The following SLCO2A1 variants were observed in gnomAD, a reference collection of about 807,000 sequenced individuals.
SLCO2A1 encodes solute carrier organic anion transporter family member 2A1.
Under a neutral mutation model 71.7 loss-of-function variants are expected in SLCO2A1, and 60 were observed. The observed-to-expected ratio is 0.84, with a 90% CI of 0.68 to 1.04. The LOEUF (loss-of-function observed/expected upper bound fraction) is 1.04. Ranked by LOEUF, SLCO2A1 falls within the 50% of genes least tolerant of loss-of-function variation. The probability of loss-of-function intolerance (pLI) is 0.00; values close to 1 mark genes in which losing one functional copy is unlikely to be tolerated. For missense variants in SLCO2A1, 745 were observed against 813.4 expected (o/e 0.92, Z 1.02); for synonymous variants, 308 against 326.7 (o/e 0.94, Z 0.62).
intron 2 of SLCO2A1, among the ~76,000 whole-genome samples, chr3:133,974,684 T>C (rs1236493529): frequency 6.6e-6 from 1 of 152,194 alleles, no homozygotes; most frequent in Non-Finnish European, 1.5e-5. Flanking sequence ...GGAAGGGAAC[T>C]GAAGGCTCCA....
chr3:133,970,652 C>T (rs1255725503), intron 3 of SLCO2A1, among the ~76,000 whole-genome samples: 1 of 152,258 alleles, frequency 6.6e-6, no homozygotes, highest in East Asian at 1.9e-4. Flanking sequence ...CATCCCACCC[C>T]CTGGCACCAG....
At chr3:133,964,885 C>T (rs1022840749) in intron 3 of SLCO2A1, among the ~76,000 whole-genome samples, 2 of 152,240 alleles carry the variant, frequency 1.3e-5, no homozygotes, top group East Asian at 3.8e-4. Context: ...CACACCCCCA[C>T]ACCCTGGCCC....
intron 1 of SLCO2A1, among the ~76,000 whole-genome samples, chr3:133,995,224 A>G (rs1328913950): frequency 6.6e-6 from 1 of 152,126 alleles, no homozygotes; most frequent in Non-Finnish European, 1.5e-5. Context: ...TGTACTTTAT[A>G]TAAATAGAAT....
At chr3:133,973,979 T>G (rs1212832952) in intron 2 of SLCO2A1, among the ~76,000 whole-genome samples, 154 bp from the exon 3 acceptor site, 1 of 152,174 alleles carries the variant, frequency 6.6e-6, no homozygotes, top group Non-Finnish European at 1.5e-5. Context: ...TGTCAGCTTT[T>G]CCCAGAGAGC....
Position 133,935,117 on chromosome 3 carries a change from C to T in SLCO2A1, c.1815-287G>A, listed in dbSNP as rs78264457. ...CCCAGCTGCCCCAGCCACCCCCAGACGGTCCTGACCTCCAAGCAGAGCCAG... is the reference window on the plus strand; with the variant it reads ...CCCAGCTGCCCCAGCCACCCCCAGATGGTCCTGACCTCCAAGCAGAGCCAG... On this transcript the variant is annotated intron_variant, in intron 13 of 13. Transcript: ENST00000310926. Among the ~76,000 whole-genome samples, 11 of 152,166 alleles carry T rather than the reference C, an allele frequency of 7.2e-5. No homozygotes were observed. The South Asian group carries it at 8.3e-4, about 11-fold the overall frequency.
intron 11 of SLCO2A1, among the ~76,000 whole-genome samples, chr3:133,938,721 A>G (rs1256875497): frequency 1.3e-5 from 2 of 151,968 alleles, no homozygotes; most frequent in Non-Finnish European, 2.9e-5. Context: ...AGATATGCAG[A>G]TTTTCAGGCC....
intron 1 of SLCO2A1, among the ~76,000 whole-genome samples, chr3:133,985,617 G>A (rs529583401): frequency 5.3e-5 from 8 of 152,026 alleles, no homozygotes; most frequent in East Asian, 1.9e-4. Context: ...TACATCATGC[G>A]TTTGATTTCT....
At chr3:133,938,363 C>A in intron 12 of SLCO2A1, 66 bp downstream of exon 12, 1 of 1,373,648 alleles carries the variant, frequency 7.3e-7, no homozygotes, top group Non-Finnish European at 1.0e-6. Flanking sequence ...CTACCCTGCA[C>A]CCATAGCCTT....
chr3:134,006,879 A>G (rs188695526), intron 1 of SLCO2A1, among the ~76,000 whole-genome samples: 1 of 152,318 alleles, frequency 6.6e-6, no homozygotes. Flanking sequence ...TCTACTTTTA[A>G]TTTGTTCAGG....
At position 133,990,357 on chromosome 3, in the gene SLCO2A1, A is replaced by G. The variant is rs144572200; in HGVS notation, c.97-10739T>C. On this transcript the variant is annotated intron_variant, in intron 1 of 13. Coordinates refer to ENST00000310926, the MANE Select transcript of SLCO2A1 (RefSeq NM_005630.3). ...AAAGTGTCAGAGAGGAGGGGAGACA[A>G]ATGTGTTCAGTCAGCAATCTTGAAT... Among the ~76,000 whole-genome samples the G allele has an allele frequency of 5.9e-3, 901 of 152,330 alleles. 18 individuals are homozygous for G. The highest frequency in any genetic ancestry group is 0.046 in the Admixed American group (699 of 15,304).
chr3:134,013,770 T>G (rs143797812), intron 1 of SLCO2A1, among the ~76,000 whole-genome samples: 270 of 152,328 alleles, frequency 1.8e-3, no homozygotes, highest in Non-Finnish European at 8.2e-4. Flanking sequence ...AAATATGACA[T>G]ATTATTTGGA....
rs564063395 is a variant in SLCO2A1, at chr3:133,999,746, G to A, written c.97-20128C>T. Among the ~76,000 whole-genome samples the A allele has an allele frequency of 7.9e-5, 12 of 152,302 alleles. No individual in the cohort carries two copies. The South Asian group carries it at 2.3e-3, about 29-fold the overall frequency. On this transcript the variant is annotated intron_variant, in intron 1 of 13. Coordinates refer to ENST00000310926, the MANE Select transcript of SLCO2A1 (RefSeq NM_005630.3). The stretch of plus-strand genomic sequence containing the variant: ...CCCTAGTCCTAGGAGACAAGATGAG[G>A]AGAGGAAAAATGTAAGGGTGATTAG...
chr3:133,941,588 G>A (rs548138462), intron 11 of SLCO2A1, among the ~76,000 whole-genome samples: 111 of 151,782 alleles, frequency 7.3e-4, no homozygotes, highest in African/African-American at 2.3e-3. Context: ...TACAAATGTT[G>A]TTTTCTCCTT....
intron 1 of SLCO2A1, among the ~76,000 whole-genome samples, chr3:134,023,941 C>A (rs1349484791): frequency 6.6e-6 from 1 of 152,204 alleles, no homozygotes; most frequent in Admixed American, 6.5e-5. Context: ...AAGTCTGGCA[C>A]CCTGCGGGTC....
intron 1 of SLCO2A1, among the ~76,000 whole-genome samples, chr3:134,018,712 C>T (rs973012416): frequency 4.6e-5 from 7 of 152,130 alleles, no homozygotes; most frequent in Non-Finnish European, 7.4e-5. Context: ...TAAGGAGAAA[C>T]AGAACTTCCT....
chr3:133,988,067 G>A (rs931495909), intron 1 of SLCO2A1, among the ~76,000 whole-genome samples: 1 of 152,188 alleles, frequency 6.6e-6, no homozygotes, highest in Non-Finnish European at 1.5e-5. Flanking sequence ...ACTGCCCCAA[G>A]CATCTGAATG....
chr3:134,003,775 G>A (rs1217697939), intron 1 of SLCO2A1, among the ~76,000 whole-genome samples: 1 of 152,128 alleles, frequency 6.6e-6, no homozygotes, highest in African/African-American at 2.4e-5. Context: ...TACCAATCTG[G>A]GTGTTGCTGT....
At chr3:133,975,758 G>C (rs896469839) in intron 2 of SLCO2A1, among the ~76,000 whole-genome samples, 2 of 151,978 alleles carry the variant, frequency 1.3e-5, no homozygotes, top group Admixed American at 6.6e-5. Flanking sequence ...CTGACTTTAC[G>C]TCCTCAGGAC....
At chr3:134,013,945 A>G (rs1016306343) in intron 1 of SLCO2A1, among the ~76,000 whole-genome samples, 1 of 152,044 alleles carries the variant, frequency 6.6e-6, no homozygotes, top group Admixed American at 6.5e-5. Flanking sequence ...ATTCCCTTCT[A>G]GAATTCAGGG....
Sources: gnomAD v4.1 joint callset for allele counts (sites outside exome capture counted in the v4.1 genomes callset) on GRCh38, gnomAD v4.1.1 for gene constraint, MANE v1.5 for transcripts, NCBI Gene and HGNC (gene_info 2026-07-23, HGNC 2026-07-21) for gene names.